Variants in PDE3A observed in about 807,000 individuals in gnomAD.
PDE3A encodes phosphodiesterase 3A, also known as cGMP-inhibited 3',5'-cyclic phosphodiesterase 3A.
Under a neutral mutation model 98.3 loss-of-function variants are expected in PDE3A, and 43 were observed. The ratio of observed to expected loss-of-function variants is 0.44; its 90% CI spans 0.34 to 0.56. The LOEUF (loss-of-function observed/expected upper bound fraction) is 0.56. Ranked by LOEUF, PDE3A falls within the 20% of genes least tolerant of loss-of-function variation. The pLI is 0.01. For synonymous variants in PDE3A, 663 were observed against 567.9 expected (o/e 1.17, Z -2.38); for missense variants, 1,427 against 1,440.7 (o/e 0.99, Z 0.15).
intron 2 of PDE3A, among the ~76,000 whole-genome samples, chr12:20,596,419 T>C (rs1943467551): frequency 6.6e-6 from 1 of 152,320 alleles, no homozygotes; most frequent in South Asian, 2.1e-4. Context: ...AGGATAATCA[T>C]ATTTTTTAAT....
intron 1 of PDE3A, chr12:20,449,858 T>A: frequency 1.7e-6 from 1 of 603,208 alleles, no homozygotes; most frequent in Non-Finnish European, 2.8e-6. Context: ...CCTGCCCCTT[T>A]TAGTGGACAT....
At chr12:20,654,411 G>T (rs1260757148) in intron 15 of PDE3A, among the ~76,000 whole-genome samples, 2 of 152,052 alleles carry the variant, frequency 1.3e-5, no homozygotes, top group Admixed American at 1.3e-4. Context: ...ATGATACAAA[G>T]ATATCTTCTC....
At chr12:20,371,264 A>T (rs1943469045) in intron 1 of PDE3A, 3 of 589,408 alleles carry the variant, frequency 5.1e-6, no homozygotes, top group Middle Eastern at 8.9e-4. Context: ...TTTTAAATGC[A>T]TACGGTGTCT....
intron 1 of PDE3A, among the ~76,000 whole-genome samples, chr12:20,394,082 G>C (rs1380776494): frequency 6.6e-6 from 1 of 152,072 alleles, no homozygotes; most frequent in Non-Finnish European, 1.5e-5. Flanking sequence ...CAAAGTTCCT[G>C]TAAGGAGAAA....
At chr12:20,534,686 A>G (rs544793142) in intron 1 of PDE3A, among the ~76,000 whole-genome samples, 2 of 152,230 alleles carry the variant, frequency 1.3e-5, no homozygotes, top group African/African-American at 4.8e-5. Context: ...CAATTGAGAT[A>G]TAGATTACCT....
At chr12:20,536,621 A>G (rs548537977) in intron 1 of PDE3A, among the ~76,000 whole-genome samples, 1 of 152,106 alleles carries the variant, frequency 6.6e-6, no homozygotes, top group Non-Finnish European at 1.5e-5. Context: ...CTTTTCTTAT[A>G]AAAGTAATCA....
At chr12:20,587,373 A>C (rs763567603) in intron 2 of PDE3A, among the ~76,000 whole-genome samples, 3 of 152,158 alleles carry the variant, frequency 2.0e-5, no homozygotes, top group Non-Finnish European at 2.9e-5. Context: ...CACCTCAAAA[A>C]TTAAATAATA....
chr12:20,574,404 C>T (rs1268037173), intron 2 of PDE3A, among the ~76,000 whole-genome samples: 1 of 152,042 alleles, frequency 6.6e-6, no homozygotes, highest in East Asian at 1.9e-4. Context: ...TCCAAGTCCA[C>T]CACTGAATGT....
chr12:20,488,383 C>T (rs1428984058), intron 1 of PDE3A, among the ~76,000 whole-genome samples: 1 of 152,108 alleles, frequency 6.6e-6, no homozygotes, highest in African/African-American at 2.4e-5. Flanking sequence ...TTTAAGGATT[C>T]CATTTAATTG....
intron 1 of PDE3A, among the ~76,000 whole-genome samples, chr12:20,494,906 A>G (rs889116443): frequency 2.0e-5 from 3 of 151,690 alleles, no homozygotes; most frequent in African/African-American, 4.8e-5. Context: ...TAGAAGCCCT[A>G]TGTTTTGATG....
chr12:20,589,423 CTTG>C (rs1943271145), intron 2 of PDE3A, among the ~76,000 whole-genome samples: 1 of 152,108 alleles, frequency 6.6e-6, no homozygotes, highest in African/African-American at 2.4e-5. Context: ...TGTTACCCAG[CTTG>C]TTTTCTTCCT....
intron 1 of PDE3A, among the ~76,000 whole-genome samples, chr12:20,389,666 T>C (rs982923265): frequency 6.6e-6 from 1 of 151,966 alleles, no homozygotes; most frequent in East Asian, 1.9e-4. Context: ...GCACCCTCCC[T>C]GAGTAAAGAT....
intron 5 of PDE3A, among the ~76,000 whole-genome samples, chr12:20,626,570 C>T (rs1278059979): frequency 1.3e-5 from 2 of 152,122 alleles, no homozygotes; most frequent in Non-Finnish European, 2.9e-5. Flanking sequence ...GGGATCTCAG[C>T]TCACTGCAAC....
chr12:20,451,291 C>T lies in PDE3A; in HGVS notation c.960+81047C>T, dbSNP rs549433772. On this transcript the variant is annotated intron_variant, in intron 1 of 15. Coordinates refer to ENST00000359062, the MANE Select transcript of PDE3A (RefSeq NM_000921.5). ...TTTTATTTTTTATTTTTATTTTTTT[C>T]GAGGTGGAGTCTTGCTCTGTCTACC... Among the ~76,000 whole-genome samples, 9 of 151,914 alleles carry T rather than the reference C, an allele frequency of 5.9e-5. No homozygotes were observed. The Middle Eastern group carries it at 0.01, about 172-fold the overall frequency.
At chr12:20,584,587 TA>T (rs1555094795) in intron 2 of PDE3A, among the ~76,000 whole-genome samples, 1 of 152,142 alleles carries the variant, frequency 6.6e-6, no homozygotes, top group Non-Finnish European at 1.5e-5. Context: ...TATTTTATTT[TA>T]AAAAAATTGA....
At chr12:20,666,915 T>G (rs968282482) in intron 15 of PDE3A, among the ~76,000 whole-genome samples, 1 of 152,210 alleles carries the variant, frequency 6.6e-6, no homozygotes, top group Non-Finnish European at 1.5e-5. Flanking sequence ...AGTTCCCTTT[T>G]CTCCACATCC....
At chr12:20,383,079 G>A (rs1279640725) in intron 1 of PDE3A, among the ~76,000 whole-genome samples, 2 of 151,864 alleles carry the variant, frequency 1.3e-5, no homozygotes, top group Non-Finnish European at 2.9e-5. Context: ...TGCTTCGGGT[G>A]CTTCATTGAA....
At chr12:20,452,593 T>C (rs565718792) in intron 1 of PDE3A, among the ~76,000 whole-genome samples, 2 of 152,334 alleles carry the variant, frequency 1.3e-5, no homozygotes, top group South Asian at 4.1e-4. Flanking sequence ...TGACAAAACC[T>C]CTAATGAAAG....
intron 5 of PDE3A, among the ~76,000 whole-genome samples, chr12:20,627,373 A>AGACTT: frequency 6.6e-6 from 1 of 151,710 alleles, no homozygotes; most frequent in Admixed American, 6.6e-5. Context: ...AACCCTATCC[A>AGACTT]GACTTGCCCA....
Sources: gnomAD v4.1 joint callset for allele counts (sites outside exome capture counted in the v4.1 genomes callset) on GRCh38, gnomAD v4.1.1 for gene constraint, MANE v1.5 for transcripts, NCBI Gene and HGNC (gene_info 2026-07-23, HGNC 2026-07-21) for gene names.